MAP2: variants seen among roughly 807,000 people sequenced by gnomAD.
The protein encoded by MAP2 is microtubule associated protein 2.
In MAP2, 14 loss-of-function variants were observed where a neutral mutation model predicts 137.6. The ratio of observed to expected loss-of-function variants is 0.10; its 90% CI spans 0.07 to 0.16. The LOEUF is 0.16. MAP2 is among the 10% of genes least tolerant of loss of function. MAP2 has a pLI of 1.00. For synonymous variants in MAP2, 786 were observed against 782.3 expected, an observed-to-expected ratio of 1.00 and a Z score of -0.08; for missense variants, 2,088 against 2,191.5, an observed-to-expected ratio of 0.95 and a Z score of 0.94.
At chr2:209,489,397 A>G (rs1239940910) in intron 1 of MAP2, among the ~76,000 whole-genome samples, 1 of 152,338 alleles carries the variant, frequency 6.6e-6, no homozygotes, top group Non-Finnish European at 1.5e-5. Flanking sequence ...CCAAAGGATC[A>G]TAACTCCTCG....
At chr2:209,708,286 A>G (rs2064133581) in intron 12 of MAP2, among the ~76,000 whole-genome samples, 1 of 152,164 alleles carries the variant, frequency 6.6e-6, no homozygotes, top group Non-Finnish European at 1.5e-5. Flanking sequence ...AAAGCAATAA[A>G]AATCACAGAA....
intron 5 of MAP2, among the ~76,000 whole-genome samples, chr2:209,676,812 A>T (rs906058590): frequency 1.5e-5 from 2 of 137,758 alleles, no homozygotes; most frequent in African/African-American, 5.5e-5. Flanking sequence ...TCTTTATTAC[A>T]CTCAATTTTT....
intron 5 of MAP2, among the ~76,000 whole-genome samples, chr2:209,660,218 CAA>C (rs1308015848): frequency 1.3e-5 from 2 of 151,956 alleles, no homozygotes; most frequent in African/African-American, 4.8e-5. Context: ...TACCCACTGC[CAA>C]AGAGGCAGGA....
intron 2 of MAP2, among the ~76,000 whole-genome samples, chr2:209,528,742 A>ATATATGTACATATGTATGTATATATG (rs1433437148): frequency 6.0e-4 from 88 of 145,938 alleles, no homozygotes; most frequent in African/African-American, 2.0e-3. Flanking sequence ...ATATACATGT[A>ATATATGTACATATGTATGTATATATG]TATATGTACA....
At position 209,694,944 on chromosome 2, in the gene MAP2, T is replaced by A. The variant is rs781250009; in HGVS notation, c.2774T>A (p.Val925Asp). ...GTGAAACTGGCAGCAGCCGGAAGAG[T>A]CAAAGATGAGTTCAGTGTTGACAAA... Reference protein sequence around the residue: ...IEVKLAAAGRVKDEFSVDKEA... With the variant: ...IEVKLAAAGRDKDEFSVDKEA... Residue 925 changes from valine (V) to aspartate (D), a missense_variant, in exon 8 of 16, where the codon GTC becomes GAC. Transcript: ENST00000682079. The A allele has an allele frequency of 1.9e-6, 3 of 1,613,582 alleles. No individual in the cohort carries two copies. The highest frequency in any genetic ancestry group is 2.7e-5 in the African/African-American group (2 of 74,766).
chr2:209,498,029 C>G (rs1487291128), intron 1 of MAP2, among the ~76,000 whole-genome samples: 1 of 152,160 alleles, frequency 6.6e-6, no homozygotes, highest in East Asian at 1.9e-4. Flanking sequence ...TTCAAAAGTA[C>G]AAAGCCTCAT....
chr2:209,449,175 T>C (rs189836135), intron 1 of MAP2, among the ~76,000 whole-genome samples: 2 of 152,358 alleles, frequency 1.3e-5, no homozygotes, highest in East Asian at 3.9e-4. Context: ...CATTAGGTTA[T>C]ACATTCCACA....
intron 6 of MAP2, 23 bp downstream of exon 6, chr2:209,678,708 C>T (rs745426783): frequency 6.9e-7 from 1 of 1,445,596 alleles, no homozygotes; most frequent in Admixed American, 1.9e-5. Flanking sequence ...ATTCTCAGGT[C>T]AGGGACTGTG....
In MAP2 at chr2:209,693,563, C is replaced by A. The variant is rs1348176355; in HGVS notation, c.1393C>A (p.Pro465Thr). Residue 465 changes from proline (P) to threonine (T), a missense_variant, in exon 8 of 16, where the codon CCT becomes ACT. Transcript: ENST00000682079. ...GCCAAAAGAGAGTAAACCCCCAAAA[C>A]CTGCAGATGAAGAAATAGGCATAAT... is the stretch of plus-strand genomic sequence containing the variant. The part of the protein sequence containing the change: ...AVPKESKPPK[P>T]ADEEIGIIQT... The A allele has an allele frequency of 1.2e-6, 2 of 1,612,668 alleles. No homozygotes were observed.
intron 2 of MAP2, among the ~76,000 whole-genome samples, chr2:209,522,858 A>G (rs2063481243): frequency 6.6e-6 from 1 of 152,172 alleles, no homozygotes; most frequent in African/African-American, 2.4e-5. Context: ...AATCAAAGAG[A>G]TGTCAACTAA....
At chr2:209,438,779 T>TA (rs1336579498) in intron 1 of MAP2, among the ~76,000 whole-genome samples, 4 of 151,482 alleles carry the variant, frequency 2.6e-5, no homozygotes, top group Non-Finnish European at 4.4e-5. Context: ...AAAGTAACCT[T>TA]ACGATGACAC....
chr2:209,711,549 T>A (rs2065476271), intron 13 of MAP2, among the ~76,000 whole-genome samples: 1 of 152,176 alleles, frequency 6.6e-6, no homozygotes, highest in Admixed American at 6.5e-5. Flanking sequence ...AGACAGATGC[T>A]ATGAAAACTA....
intron 4 of MAP2, among the ~76,000 whole-genome samples, chr2:209,643,106 A>G (rs1240454721): frequency 6.6e-6 from 1 of 152,224 alleles, no homozygotes; most frequent in Non-Finnish European, 1.5e-5. Flanking sequence ...GGCACATTAC[A>G]TGATGATAGG....
At chr2:209,707,012 T>G (rs1411867331) in intron 12 of MAP2, among the ~76,000 whole-genome samples, 4 of 152,082 alleles carry the variant, frequency 2.6e-5, no homozygotes, top group Admixed American at 6.6e-5. Flanking sequence ...GATTTAGTAC[T>G]CTCCAGGGAA....
At chr2:209,700,788 T>C (rs1188658114) in intron 11 of MAP2, among the ~76,000 whole-genome samples, 1 of 152,156 alleles carries the variant, frequency 6.6e-6, no homozygotes, top group Non-Finnish European at 1.5e-5. Flanking sequence ...ATCATAAAGA[T>C]AAACACAGCT....
chr2:209,538,553 T>C (rs796084089), intron 2 of MAP2, among the ~76,000 whole-genome samples: 280 of 150,092 alleles, frequency 1.9e-3, no homozygotes, highest in African/African-American at 6.5e-3. Context: ...TTTTTTTTTT[T>C]CCTCTGTGTA....
chr2:209,692,138 A>G (rs1157586701), intron 7 of MAP2, among the ~76,000 whole-genome samples: 1 of 152,130 alleles, frequency 6.6e-6, no homozygotes, highest in Non-Finnish European at 1.5e-5. Flanking sequence ...TAGCCTACCA[A>G]TTCATTTTTA....
intron 13 of MAP2, among the ~76,000 whole-genome samples, chr2:209,711,020 A>G (rs1009478153): frequency 6.6e-6 from 1 of 152,194 alleles, no homozygotes; most frequent in South Asian, 2.1e-4. Flanking sequence ...AATAATACAA[A>G]TATTATTTAA....
At chr2:209,492,008 C>T (rs996499951) in intron 1 of MAP2, among the ~76,000 whole-genome samples, 2 of 152,058 alleles carry the variant, frequency 1.3e-5, no homozygotes, top group Admixed American at 6.6e-5. Flanking sequence ...AACATTTCAG[C>T]CCAATATCCC....
Sources: allele counts gnomAD v4.1 joint callset (sites outside exome capture counted in the v4.1 genomes callset), GRCh38; gene constraint gnomAD v4.1.1; transcripts MANE v1.5; gene names NCBI Gene and HGNC (gene_info 2026-07-23, HGNC 2026-07-21).